ADAMTS17: variants seen among roughly 807,000 people sequenced by gnomAD.
The protein encoded by ADAMTS17 is A disintegrin and metalloproteinase with thrombospondin motifs 17.
In ADAMTS17, 113 loss-of-function variants were observed where a neutral mutation model predicts 141.5. The observed-to-expected ratio is 0.80, with a 90% CI of 0.69 to 0.93. ADAMTS17 has a LOEUF of 0.93. Ranked by LOEUF, ADAMTS17 falls within the 40% of genes least tolerant of loss-of-function variation. ADAMTS17 has a pLI of 0.00. For synonymous variants in ADAMTS17, 768 were observed against 630.6 expected (o/e 1.22, Z -3.27); for missense variants, 1,659 against 1,517.9 (o/e 1.09, Z -1.54).
rs2037089052 is a variant in ADAMTS17 at position 100,115,951 on chromosome 15, G to C, written c.1888+896C>G. On this transcript the variant is annotated intron_variant, in intron 13 of 21. Transcript: ENST00000268070. The stretch of plus-strand genomic sequence containing the variant: ...CCGCCCTGGCCTCTTGTCAGCTGCA[G>C]GTGCTTAGAGGTGTCCTGTAACCTT... Among the ~76,000 whole-genome samples the C allele has an allele frequency of 2.6e-5, 4 of 152,102 alleles. No individual in the cohort carries two copies. In the South Asian group the frequency reaches 8.3e-4, roughly 32 times the overall value.
chr15:100,105,250 T>TA (rs1470528035), intron 14 of ADAMTS17, among the ~76,000 whole-genome samples: 2 of 152,202 alleles, frequency 1.3e-5, no homozygotes, highest in African/African-American at 4.8e-5. Context: ...AGGCAGGGTC[T>TA]CTGCAGTGGC....
intron 18 of ADAMTS17, among the ~76,000 whole-genome samples, chr15:100,042,720 T>A (rs376542039): frequency 6.6e-6 from 1 of 152,254 alleles, no homozygotes; most frequent in African/African-American, 2.4e-5. Flanking sequence ...AGAGACACTG[T>A]GGATCCCCTG....
At chr15:100,228,059 G>A (rs2042365062) in intron 7 of ADAMTS17, among the ~76,000 whole-genome samples, 2 of 152,184 alleles carry the variant, frequency 1.3e-5, no homozygotes, top group South Asian at 4.1e-4. Context: ...TGCAGATACA[G>A]CCCTGCCTTA....
intron 10 of ADAMTS17, among the ~76,000 whole-genome samples, chr15:100,145,841 C>T (rs1461508142): frequency 6.6e-6 from 1 of 152,228 alleles, no homozygotes; most frequent in Non-Finnish European, 1.5e-5. Flanking sequence ...ACTAAGTTGA[C>T]ATTCTAATCT....
intron 18 of ADAMTS17, among the ~76,000 whole-genome samples, chr15:100,023,865 C>A (rs185927311): frequency 4.6e-5 from 7 of 152,262 alleles, no homozygotes; most frequent in African/African-American, 1.7e-4. Flanking sequence ...CTTCTATTGC[C>A]GTATTTTCTG....
chr15:100,117,109 G>C, intron 12 of ADAMTS17, 96 bp from the exon 13 acceptor site: 1 of 1,467,220 alleles, frequency 6.8e-7, no homozygotes. Context: ...GAGAGGAAGG[G>C]GGCAGGGCAA....
intron 3 of ADAMTS17, among the ~76,000 whole-genome samples, chr15:100,286,011 G>A (rs992815166): frequency 2.6e-5 from 4 of 152,068 alleles, no homozygotes; most frequent in Admixed American, 2.0e-4. Context: ...TTCAATGCCC[G>A]AACAGGGTGC....
chr15:100,082,695 T>A (rs960066915), intron 15 of ADAMTS17, among the ~76,000 whole-genome samples: 3 of 152,070 alleles, frequency 2.0e-5, no homozygotes, highest in African/African-American at 7.2e-5. Context: ...GTGGCTACGA[T>A]ATCATCTTAA....
intron 10 of ADAMTS17, 35 bp downstream of exon 10, chr15:100,152,577 C>T (rs7162227): frequency 1.2e-6 from 2 of 1,610,718 alleles, no homozygotes; most frequent in Non-Finnish European, 8.5e-7. Flanking sequence ...TGGATCCATG[C>T]TCTGTCCCGA....
intron 12 of ADAMTS17, among the ~76,000 whole-genome samples, chr15:100,123,223 C>T (rs982275604): frequency 7.0e-4 from 107 of 152,314 alleles, no homozygotes; most frequent in Middle Eastern, 6.8e-3. Flanking sequence ...CTCACACAGT[C>T]TCAGTAGTAG....
intron 8 of ADAMTS17, among the ~76,000 whole-genome samples, chr15:100,175,350 G>A (rs1186867776): frequency 6.6e-6 from 1 of 152,150 alleles, no homozygotes; most frequent in Non-Finnish European, 1.5e-5. Context: ...TGGTCACCCG[G>A]CATGGCCTAA....
intron 7 of ADAMTS17, among the ~76,000 whole-genome samples, chr15:100,226,830 T>C (rs913139895): frequency 6.6e-5 from 10 of 152,324 alleles, no homozygotes; most frequent in African/African-American, 2.4e-4. Flanking sequence ...ATACAGTATC[T>C]GGTACACAGT....
At chr15:100,044,681 G>T (rs1007773767) in intron 18 of ADAMTS17, among the ~76,000 whole-genome samples, 1 of 152,100 alleles carries the variant, frequency 6.6e-6, no homozygotes, top group African/African-American at 2.4e-5. Flanking sequence ...CTTCTCTTTT[G>T]AGTATGGATC....
rs1162077823 is a variant in ADAMTS17 at position 100,070,540 on chromosome 15, G to A, written c.2138-16486C>T. Among the ~76,000 whole-genome samples, 2 of 150,020 alleles carry A rather than the reference G, an allele frequency of 1.3e-5. 1 individual carries two copies. Among genetic ancestry groups the A allele is most frequent in the Non-Finnish European group, 3.0e-5 (2 of 67,470 alleles). On this transcript the variant is annotated intron_variant, in intron 15 of 21. Coordinates refer to ENST00000268070, the MANE Select transcript of ADAMTS17 (RefSeq NM_139057.4). ...AAAACAATAGAAATTATAACAAACTGTCTCTCAGACCACGGTGCAATCAAA... is the reference window on the plus strand; with the variant it reads ...AAAACAATAGAAATTATAACAAACTATCTCTCAGACCACGGTGCAATCAAA...
chr15:100,243,128 G>T (rs1011518872), intron 7 of ADAMTS17, among the ~76,000 whole-genome samples: 32 of 152,292 alleles, frequency 2.1e-4, no homozygotes, highest in African/African-American at 5.5e-4. Context: ...TGTCCTCAAG[G>T]TTCATCCATA....
rs184190031 is a variant in ADAMTS17, at chr15:100,277,826, G to T, written c.789+3403C>A. 1.8e-4 allele frequency among the ~76,000 whole-genome samples: 27 copies of T among 152,348 alleles called. No individual in the cohort carries two copies. In the East Asian group the frequency reaches 4.8e-3, roughly 27 times the overall value. On this transcript the variant is annotated intron_variant, in intron 4 of 21. Transcript: ENST00000268070. Reference sequence around the variant, plus strand: ...AATTGAAAGCAGGGACTTGAACAGAGATTTGCACACCCACGTTCATAGCAA... The same window carrying T: ...AATTGAAAGCAGGGACTTGAACAGATATTTGCACACCCACGTTCATAGCAA...
chr15:100,048,320 A>G (rs181116105), intron 18 of ADAMTS17, among the ~76,000 whole-genome samples: 1 of 152,344 alleles, frequency 6.6e-6, no homozygotes, highest in African/African-American at 2.4e-5. Flanking sequence ...CGCATTTCAC[A>G]CAATTCATCT....
At chr15:99,990,394 A>G (rs902443375) in intron 20 of ADAMTS17, among the ~76,000 whole-genome samples, 5 of 152,180 alleles carry the variant, frequency 3.3e-5, no homozygotes, top group African/African-American at 1.2e-4. Flanking sequence ...AGTGAAAGAT[A>G]CATCCTGGCA....
intron 15 of ADAMTS17, among the ~76,000 whole-genome samples, chr15:100,087,520 G>A (rs1010378618): frequency 2.4e-4 from 37 of 152,216 alleles, no homozygotes; most frequent in Admixed American, 1.0e-3. Context: ...CCAAAGCCAG[G>A]CAGAGACACA....
Sources: gnomAD v4.1 joint callset for allele counts (sites outside exome capture counted in the v4.1 genomes callset) on GRCh38, gnomAD v4.1.1 for gene constraint, MANE v1.5 for transcripts, NCBI Gene and HGNC (gene_info 2026-07-23, HGNC 2026-07-21) for gene names.